The following CRACR2A variants were observed in gnomAD, a reference collection of about 807,000 sequenced individuals.
The protein encoded by CRACR2A is calcium release activated channel regulator 2A, also known as EF-hand calcium-binding domain-containing protein 4B.
Under a neutral mutation model 90.5 loss-of-function variants are expected in CRACR2A, and 79 were observed. The ratio of observed to expected loss-of-function variants is 0.87; its 90% CI spans 0.73 to 1.05. The LOEUF (loss-of-function observed/expected upper bound fraction) is 1.05. Ranked by LOEUF, CRACR2A falls within the 50% of genes least tolerant of loss-of-function variation. The pLI, the probability that CRACR2A is intolerant of heterozygous loss-of-function variation, is 0.00. For synonymous variants in CRACR2A, 338 were observed against 356.7 expected (o/e 0.95, Z 0.59); for missense variants, 823 against 897.2 (o/e 0.92, Z 1.06).
chr12:3,696,956 A>C lies in CRACR2A; in HGVS notation c.44T>G (p.Leu15Arg). The C allele has an allele frequency of 1.2e-6, 2 of 1,614,098 alleles. No individual in the cohort carries two copies. Among genetic ancestry groups the C allele is most frequent in the Non-Finnish European group, 8.5e-7 (1 of 1,179,978 alleles). ...DGRVVSRPQRLGQGSGQGPKG... is the reference protein window; with the variant it reads ...DGRVVSRPQRRGQGSGQGPKG... ...TGGCCCCTGGCCAGACCCCTGACCA[A>C]GTCTCTGGGGTCTGGAGACTACCCT... Residue 15 changes from leucine (L) to arginine (R), a missense_variant, in exon 4 of 20, where the codon CTT becomes CGT. Leu to Arg is a moderately radical substitution (Grantham distance 102). Transcript: ENST00000440314.
rs1944850200 is a variant in CRACR2A at position 3,654,070 on chromosome 12, G to A, written c.1046+142C>T. 1.6e-5 allele frequency: 14 copies of A among 855,470 alleles called. No individual in the cohort carries two copies. The South Asian group carries it at 2.5e-4, about 15-fold the overall frequency. 53.0% of individuals were successfully genotyped at this position (855,470 alleles called of 1,614,324 possible). A position where few individuals can be genotyped will look rare whatever the true frequency, so the allele number is the denominator to read the frequency against. ...AATAGTGTCAGAATCCTAGAGGAGT[G>A]TTAGAAGAGTCTCAGGGAGCAACAA... On this transcript the variant is annotated intron_variant, in intron 10 of 19. Coordinates refer to ENST00000440314, the MANE Select transcript of CRACR2A (RefSeq NM_001144958.2).
In CRACR2A at chr12:3,675,113, C is replaced by T. The variant is rs532412645; in HGVS notation, c.525-1521G>A. On this transcript the variant is annotated intron_variant, in intron 6 of 19. Transcript: ENST00000440314. ...TGCTTGTCCATTACAGTCATCTGCA[C>T]CTTGACAATCTGCCACCAACAGATT... Among the ~76,000 whole-genome samples the T allele has an allele frequency of 2.8e-4, 42 of 152,296 alleles. 1 individual carries two copies. In the South Asian group the frequency reaches 8.7e-3, roughly 32 times the overall value.
rs242013 is a variant in CRACR2A at position 3,680,147 on chromosome 12, G to T, written c.340+91C>A. 1.1e-3 allele frequency: 1,143 copies of T among 1,038,478 alleles called. 7 individuals carry two copies. The African/African-American group carries it at 0.015, about 14-fold the overall frequency. 64.3% of individuals were successfully genotyped at this position (1,038,478 alleles called of 1,614,324 possible). A position where few individuals can be genotyped will look rare whatever the true frequency, so the allele number is the denominator to read the frequency against. On this transcript the variant is annotated intron_variant, in intron 5 of 19. Coordinates refer to ENST00000440314, the MANE Select transcript of CRACR2A (RefSeq NM_001144958.2). ...GGAGGGCAGGAAAGCTTTACTACCT[G>T]CCCCCCAGGTCTACAAGGGACAGGA...
At chr12:3,695,850 A>G (rs1202332134) in intron 4 of CRACR2A, among the ~76,000 whole-genome samples, 1 of 152,228 alleles carries the variant, frequency 6.6e-6, no homozygotes, top group African/African-American at 2.4e-5. Context: ...TCTTGACTGC[A>G]GCATAAGAGA....
intron 4 of CRACR2A, among the ~76,000 whole-genome samples, chr12:3,686,364 A>G (rs1450945566): frequency 6.6e-6 from 1 of 152,168 alleles, no homozygotes; most frequent in Non-Finnish European, 1.5e-5. Flanking sequence ...GTTCCAAGAA[A>G]ACTTTACTTA....
intron 14 of CRACR2A, among the ~76,000 whole-genome samples, chr12:3,636,193 A>AT (rs1258240382): frequency 6.6e-6 from 1 of 152,190 alleles, no homozygotes; most frequent in Non-Finnish European, 1.5e-5. Flanking sequence ...AGGATATGGT[A>AT]TTTTTAAGTT....
intron 4 of CRACR2A, among the ~76,000 whole-genome samples, chr12:3,681,714 AC>A (rs1318481485): frequency 6.6e-6 from 1 of 152,222 alleles, no homozygotes; most frequent in Non-Finnish European, 1.5e-5. Flanking sequence ...GTATATACCA[AC>A]CTCAACAATA....
At position 3,663,654 on chromosome 12, in the gene CRACR2A, A is replaced by G. The variant is rs74992116; in HGVS notation, c.672-4000T>C. Among the ~76,000 whole-genome samples, 926 of 152,260 alleles carry G rather than the reference A, an allele frequency of 6.1e-3. 5 individuals carry two copies. The highest frequency in any genetic ancestry group is 9.0e-3 in the Non-Finnish European group (610 of 68,010). Reference sequence around the variant, plus strand: ...AGATGGGCCGTAATGATCTTTCTCAAGCCACGGCAGTGCCAAACTGAATGC... The same window carrying G: ...AGATGGGCCGTAATGATCTTTCTCAGGCCACGGCAGTGCCAAACTGAATGC... On this transcript the variant is annotated intron_variant, in intron 7 of 19. Coordinates refer to ENST00000440314, the MANE Select transcript of CRACR2A (RefSeq NM_001144958.2).
chr12:3,659,222 T>G (rs1333585291), intron 8 of CRACR2A, among the ~76,000 whole-genome samples: 2 of 152,214 alleles, frequency 1.3e-5, no homozygotes, highest in Admixed American at 1.3e-4. Flanking sequence ...ATTCATTCAC[T>G]CATTCACTTG....
At chr12:3,666,376 C>T (rs933140529) in intron 7 of CRACR2A, among the ~76,000 whole-genome samples, 72 of 135,334 alleles carry the variant, frequency 5.3e-4, no homozygotes, top group African/African-American at 1.5e-3. Context: ...CGCGTGCGCG[C>T]GCACGCGCGC....
At chr12:3,743,906 G>C (rs559232139) in intron 1 of CRACR2A, among the ~76,000 whole-genome samples, 1 of 152,212 alleles carries the variant, frequency 6.6e-6, no homozygotes, top group African/African-American at 2.4e-5. Flanking sequence ...ATGTGCCAGA[G>C]GACACGTCGC....
rs540149501 is a variant in CRACR2A at position 3,666,999 on chromosome 12, C to T, written c.671+6447G>A. Among the ~76,000 whole-genome samples the T allele has an allele frequency of 3.8e-3, 584 of 152,306 alleles. 8 individuals carry two copies. The highest frequency in any genetic ancestry group is 0.014 in the African/African-American group (565 of 41,560). On this transcript the variant is annotated intron_variant, in intron 7 of 19. Transcript: ENST00000440314. ...GGAGCTTGAACTCAAGGCAGAGTTT[C>T]AGAAATGGCCCCTGGCCTTGGAGAG...
intron 17 of CRACR2A, among the ~76,000 whole-genome samples, chr12:3,621,567 C>T (rs1355925643): frequency 7.3e-6 from 1 of 136,590 alleles, no homozygotes; most frequent in Non-Finnish European, 1.5e-5. Flanking sequence ...CAGAGAATTG[C>T]TTCAACCTGG....
At chr12:3,695,589 C>T (rs965730326) in intron 4 of CRACR2A, among the ~76,000 whole-genome samples, 26 of 152,230 alleles carry the variant, frequency 1.7e-4, no homozygotes, top group African/African-American at 5.8e-4. Flanking sequence ...CACCTCGGAG[C>T]TCACATGCAT....
intron 7 of CRACR2A, among the ~76,000 whole-genome samples, chr12:3,666,127 G>A (rs201899539): frequency 6.6e-6 from 1 of 152,056 alleles, no homozygotes; most frequent in East Asian, 1.9e-4. Flanking sequence ...CTAAGAAGAG[G>A]TGAGTTCAGA....
chr12:3,671,052 C>A (rs1945232284), intron 7 of CRACR2A, among the ~76,000 whole-genome samples: 1 of 152,148 alleles, frequency 6.6e-6, no homozygotes, highest in Non-Finnish European at 1.5e-5. Flanking sequence ...GTTTCGAGCA[C>A]AATTACTAAA....
intron 7 of CRACR2A, among the ~76,000 whole-genome samples, chr12:3,667,526 A>G (rs1233403526): frequency 6.6e-6 from 1 of 152,178 alleles, no homozygotes; most frequent in Non-Finnish European, 1.5e-5. Context: ...CCCTGCCTCA[A>G]CGTGCTGATC....
At chr12:3,644,787 G>A (rs2137404373) in intron 11 of CRACR2A, 147 bp from the exon 12 acceptor site, 2 of 743,568 alleles carry the variant, frequency 2.7e-6, no homozygotes, top group African/African-American at 1.7e-5. Context: ...ATAGGGATGT[G>A]ATTAATGGTA....
intron 7 of CRACR2A, among the ~76,000 whole-genome samples, chr12:3,660,025 G>A (rs1200799501): frequency 3.9e-5 from 6 of 152,140 alleles, no homozygotes; most frequent in African/African-American, 1.4e-4. Context: ...TATCATCCCT[G>A]TTCCCGCTGA....
Sources: allele counts gnomAD v4.1 joint callset (sites outside exome capture counted in the v4.1 genomes callset), GRCh38; gene constraint gnomAD v4.1.1; transcripts MANE v1.5; gene names NCBI Gene and HGNC (gene_info 2026-07-23, HGNC 2026-07-21).